Variants in PGAP1 observed in about 807,000 individuals in gnomAD.
PGAP1 encodes the protein post-GPI attachment to proteins inositol deacylase 1.
A neutral mutation model predicts 127.0 loss-of-function variants in PGAP1; 76 were observed. That is an observed-to-expected ratio of 0.60 (90% CI 0.50 to 0.72). The LOEUF is 0.72. Ranked by LOEUF, PGAP1 falls within the 30% of genes least tolerant of loss-of-function variation. The pLI is 0.00. For missense variants in PGAP1, 982 were observed against 1,071.3 expected (o/e 0.92, Z 1.16); for synonymous variants, 362 against 366.5 (o/e 0.99, Z 0.14).
At chr2:196,881,407 T>G (rs1016416051) in intron 12 of PGAP1, among the ~76,000 whole-genome samples, 1 of 152,224 alleles carries the variant, frequency 6.6e-6, no homozygotes, top group Non-Finnish European at 1.5e-5. Context: ...CTAGGTCAAA[T>G]GGTATTTCTA....
chr2:196,875,872 A>G (rs772309986), intron 13 of PGAP1, 51 bp from the exon 14 acceptor site: 9 of 945,774 alleles, frequency 9.5e-6, no homozygotes, highest in Non-Finnish European at 1.3e-5. Context: ...AATTTACAGT[A>G]AAGTATCTTT....
chr2:196,862,948 C>A (rs1701115627), intron 20 of PGAP1, among the ~76,000 whole-genome samples: 1 of 152,112 alleles, frequency 6.6e-6, no homozygotes, highest in African/African-American at 2.4e-5. Context: ...CAATGGCCAA[C>A]AGATGTATTT....
At chr2:196,896,504 A>C (rs894138089) in intron 7 of PGAP1, among the ~76,000 whole-genome samples, 1 of 151,972 alleles carries the variant, frequency 6.6e-6, no homozygotes, top group Non-Finnish European at 1.5e-5. Flanking sequence ...AATGTATTAC[A>C]AAAAAAATTA....
At chr2:196,868,638 G>C (rs1701318044) in intron 19 of PGAP1, among the ~76,000 whole-genome samples, 1 of 152,130 alleles carries the variant, frequency 6.6e-6, no homozygotes, top group South Asian at 2.1e-4. Flanking sequence ...TAGCGTTTAT[G>C]GAATTCTCTT....
At chr2:196,896,649 C>T (rs1702282416) in intron 7 of PGAP1, among the ~76,000 whole-genome samples, 4 of 151,720 alleles carry the variant, frequency 2.6e-5, no homozygotes, top group Admixed American at 2.6e-4. Context: ...AGTTTGAAAC[C>T]AGCCTGGCCA....
intron 1 of PGAP1, chr2:196,922,266 A>C (rs1178435024): frequency 8.4e-7 from 1 of 1,188,560 alleles, no homozygotes; most frequent in East Asian, 6.1e-5. Flanking sequence ...TAAAATATCT[A>C]TTTTATGATA....
At position 196,864,415 on chromosome 2, in the gene PGAP1, A is replaced by AAAC. The variant is rs1188656265; in HGVS notation, c.1861+571_1861+572insGTT. On this transcript the variant is annotated intron_variant, in intron 20 of 26. Coordinates refer to ENST00000354764, the MANE Select transcript of PGAP1 (RefSeq NM_024989.4). ...CAAAAAAAAAAAAAAAAAAAAAAAAAGGCATTTGATAATATTAGGGCACTA... is the reference window on the plus strand; with the variant it reads ...CAAAAAAAAAAAAAAAAAAAAAAAAAAACGGCATTTGATAATATTAGGGCACTA... Among the ~76,000 whole-genome samples the AAAC allele has an allele frequency of 2.6e-3, 382 of 149,350 alleles. 5 individuals are homozygous for AAAC. The highest frequency in any genetic ancestry group is 9.0e-3 in the African/African-American group (363 of 40,328).
chr2:196,851,163 A>T lies in PGAP1; in HGVS notation c.1862-3126T>A, dbSNP rs542469474. Among the ~76,000 whole-genome samples the T allele has an allele frequency of 9.5e-3, 1,439 of 151,326 alleles. 21 individuals are homozygous for T. The highest frequency in any genetic ancestry group is 0.031 in the African/African-American group (1,275 of 41,302). On this transcript the variant is annotated intron_variant, in intron 20 of 26. Transcript: ENST00000354764. Reference sequence around the variant, plus strand: ...GAGTCACTGTTTTTTTGTTTTTTTTAAAAAAAACAAAAAAATAAAAAAACC... The same window carrying T: ...GAGTCACTGTTTTTTTGTTTTTTTTTAAAAAAACAAAAAAATAAAAAAACC...
rs1187606049 is a variant in PGAP1 at position 196,833,637 on chromosome 2, T to A, written c.*7597A>T. 2 of 152,182 alleles carry A rather than the reference T, an allele frequency of 1.3e-5. No individual in the cohort carries two copies. The highest frequency in any genetic ancestry group is 2.4e-5 in the African/African-American group (1 of 41,468). The allele number at this position is 152,182 out of a possible 1,614,324, so 9.4% of individuals were successfully genotyped here. ...TTTAAGGAAAGACATTTTCTTTGTA[T>A]GTGTTTTTAGAGAAATCTATATTTT... On this transcript the variant is annotated 3_prime_UTR_variant, in exon 27 of 27. Transcript: ENST00000354764.
intron 19 of PGAP1, 118 bp downstream of exon 19, chr2:196,870,823 T>G: frequency 1.3e-6 from 1 of 744,396 alleles, no homozygotes; most frequent in East Asian, 2.7e-5. Flanking sequence ...AGATACTGTA[T>G]GTGGTCTGCA....
At chr2:196,894,534 G>C (rs1477943965) in intron 7 of PGAP1, among the ~76,000 whole-genome samples, 1 of 152,198 alleles carries the variant, frequency 6.6e-6, no homozygotes, top group Non-Finnish European at 1.5e-5. Context: ...CGGGCGCAGT[G>C]GCTCATGCCT....
intron 2 of PGAP1, among the ~76,000 whole-genome samples, chr2:196,917,292 C>G (rs1174732751): frequency 6.6e-6 from 1 of 152,078 alleles, no homozygotes; most frequent in African/African-American, 2.4e-5. Flanking sequence ...AACAAAATAC[C>G]TGTTTGCCAT....
chr2:196,903,267 A>C (rs1448753287), intron 4 of PGAP1, among the ~76,000 whole-genome samples: 1 of 151,564 alleles, frequency 6.6e-6, no homozygotes, highest in Non-Finnish European at 1.5e-5. Flanking sequence ...AAAAAAAAAG[A>C]GCTGTAGATC....
intron 20 of PGAP1, among the ~76,000 whole-genome samples, chr2:196,849,326 C>T (rs537226515): frequency 1.5e-4 from 22 of 149,062 alleles, no homozygotes; most frequent in Admixed American, 1.1e-3. Context: ...TGCAGTGGCA[C>T]GATCTTGGCT....
In PGAP1 at chr2:196,922,585, C is replaced by G. The variant is rs970461513; in HGVS notation, c.148-2435G>C. On this transcript the variant is annotated intron_variant, in intron 1 of 26. Coordinates refer to ENST00000354764, the MANE Select transcript of PGAP1 (RefSeq NM_024989.4). ...TAACACACACACACACAGACACACACACACACACACACACACACACACACA... is the reference window on the plus strand; with the variant it reads ...TAACACACACACACACAGACACACAGACACACACACACACACACACACACA... 458 of 690,692 alleles carry G rather than the reference C, an allele frequency of 6.6e-4. 1 individual carries two copies. The highest frequency in any genetic ancestry group is 7.4e-4 in the Middle Eastern group (1 of 1,344). 42.8% of individuals were successfully genotyped at this position (690,692 alleles called of 1,614,324 possible).
At chr2:196,874,237 A>T (rs1701491891) in intron 14 of PGAP1, among the ~76,000 whole-genome samples, 1 of 152,118 alleles carries the variant, frequency 6.6e-6, no homozygotes, top group Admixed American at 6.6e-5. Flanking sequence ...AGTTCCCAAT[A>T]TTCAAAGCTA....
chr2:196,870,077 C>G (rs1416333122), intron 19 of PGAP1, among the ~76,000 whole-genome samples: 1 of 152,132 alleles, frequency 6.6e-6, no homozygotes, highest in African/African-American at 2.4e-5. Flanking sequence ...TAAGTAATAG[C>G]TATAGTTCTA....
intron 19 of PGAP1, among the ~76,000 whole-genome samples, chr2:196,869,294 T>A (rs1239303594): frequency 6.6e-6 from 1 of 152,162 alleles, no homozygotes; most frequent in Non-Finnish European, 1.5e-5. Flanking sequence ...CCTTTCACCA[T>A]ACTAAATATA....
intron 7 of PGAP1, among the ~76,000 whole-genome samples, chr2:196,896,785 C>A (rs1336835358): frequency 1.4e-5 from 2 of 141,682 alleles, no homozygotes; most frequent in Admixed American, 7.3e-5. Flanking sequence ...GCCGAGATCA[C>A]GCCACTGCAC....
Sources: gnomAD v4.1 joint callset for allele counts (sites outside exome capture counted in the v4.1 genomes callset) on GRCh38, gnomAD v4.1.1 for gene constraint, MANE v1.5 for transcripts, NCBI Gene and HGNC (gene_info 2026-07-23, HGNC 2026-07-21) for gene names.